The following FUT5 variants were observed in gnomAD, a reference collection of about 807,000 sequenced individuals.
FUT5 encodes 4-galactosyl-N-acetylglucosaminide 3-alpha-L-fucosyltransferase FUT5.
Under a neutral mutation model 0.8 loss-of-function variants are expected in FUT5, and 1 was observed. The ratio of observed to expected loss-of-function variants is 1.26; its 90% CI spans 0.45 to 5.99. The LOEUF is 5.99. FUT5 is among the 30% of genes most tolerant of loss of function. The pLI is 0.15. For missense variants in FUT5, 437 were observed against 517.8 expected (o/e 0.84, Z 1.51); for synonymous variants, 212 against 225.7 (o/e 0.94, Z 0.54).
At chr19:5,869,030 A>G (rs528770858) in intron 1 of FUT5, among the ~76,000 whole-genome samples, 487 of 150,434 alleles carry the variant, frequency 3.2e-3, no homozygotes, top group Non-Finnish European at 4.7e-3. Context: ...CGCCCAGGCT[A>G]GAGTGCAGTG....
intron 1 of FUT5, among the ~76,000 whole-genome samples, chr19:5,868,006 C>T (rs539128631): frequency 2.4e-4 from 37 of 152,224 alleles, no homozygotes; most frequent in Admixed American, 2.2e-3. Flanking sequence ...CAAAGCCTGG[C>T]GGGGTGAGAC....
Position 5,866,486 on chromosome 19 carries a change from C to T in FUT5, c.*115G>A, listed in dbSNP as rs756380574. 3.8e-5 allele frequency: 42 copies of T among 1,111,494 alleles called. No homozygotes were observed. The highest frequency in any genetic ancestry group is 1.2e-4 in the Admixed American group (5 of 43,440). 68.9% of individuals were successfully genotyped at this position (1,111,494 alleles called of 1,614,324 possible). The stretch of plus-strand genomic sequence containing the variant: ...CCAGGCAGGTGAGACCCCAGGCAGC[C>T]GAGGCCCCAGGCAGCCGAGGCCCCA... On this transcript the variant is annotated 3_prime_UTR_variant, in exon 2 of 2. Coordinates refer to ENST00000588525, the MANE Select transcript of FUT5 (RefSeq NM_002034.2). This position sits in a 1 kb window ranked among gnomAD's most constrained non-coding sequence, Gnocchi z 4.9.
Position 5,867,566 on chromosome 19 carries a change from G to C in FUT5, c.160C>G (p.Pro54Ala). ...GACCCATTGGGAGCCCCGGTGACAG[G>C]TTCCACTGCCATAAGCCCTGGCCTA... is the stretch of plus-strand genomic sequence containing the variant. ...SPRPGLMAVEPVTGAPNGSRC... is the reference protein window; with the variant it reads ...SPRPGLMAVEAVTGAPNGSRC... The change falls in exon 2 of 2, where the codon CCT becomes GCT. Residue 54 changes from proline (P) to alanine (A), a missense_variant. Around this residue, in one of 2 missense-constraint regions of FUT5, gnomAD observed 261 missense variants for 242.6 expected, o/e 1.08. Transcript: ENST00000588525. This position sits in a 1 kb window ranked among gnomAD's most constrained non-coding sequence, Gnocchi z 5.0. The C allele has an allele frequency of 6.2e-7, 1 of 1,613,530 alleles. No homozygotes were observed. The highest frequency in any genetic ancestry group is 8.5e-7 in the Non-Finnish European group (1 of 1,180,032).
Position 5,866,790 on chromosome 19 carries a change from G to A in FUT5, c.936C>T (p.Pro312=). Residue 312 remains proline, a synonymous_variant, in exon 2 of 2, where the codon CCC becomes CCT. Transcript: ENST00000588525. The surrounding 1 kb of genome is among the most constrained non-coding windows in gnomAD (Gnocchi z 4.9). ...AFIHVDDFQS[P]KDLARYLQEL... is the part of the protein sequence containing the mutation. ...CCTGCAGGTACCGGGCCAGGTCCTT[G>A]GGGCTCTGGAAGTCGTCCACGTGGA... 1 of 1,602,752 alleles carries A rather than the reference G, an allele frequency of 6.2e-7. No homozygotes were observed. Among genetic ancestry groups the A allele is most frequent in the East Asian group, 2.2e-5 (1 of 44,600 alleles).
At chr19:5,868,331 C>T (rs186111880) in intron 1 of FUT5, among the ~76,000 whole-genome samples, 1,825 of 152,112 alleles carry the variant, frequency 0.012, 24 homozygotes, top group Non-Finnish European at 0.018. Context: ...ACACCCAGCA[C>T]GGAACTGGAG....
At position 5,867,708 on chromosome 19, in the gene FUT5, TG is replaced by T. The variant is rs1599680403; in HGVS notation, c.17del (p.Pro6GlnfsTer72). 1.9e-6 allele frequency: 3 copies of T among 1,613,186 alleles called. No individual in the cohort carries two copies. In the East Asian group the frequency reaches 6.7e-5, roughly 36 times the overall value. ...GGCGCCACAGCCACTGTGGCTTGGCTGGGCCCAGGGGATCCATGGGTCAGAG... is the reference window on the plus strand; with the variant it reads ...GGCGCCACAGCCACTGTGGCTTGGCTGGCCCAGGGGATCCATGGGTCAGAG... Reference protein sequence around the residue: MDPLGPAKPQWLWRRC... With the variant: MDPLGXAKPQWLWRRC... On this transcript the variant is annotated frameshift_variant, in exon 2 of 2. Coordinates refer to ENST00000588525, the MANE Select transcript of FUT5 (RefSeq NM_002034.2). LOFTEE classifies it low-confidence loss of function (END_TRUNC). The surrounding 1 kb of genome is among the most constrained non-coding windows in gnomAD (Gnocchi z 5.0).
Position 5,867,272 on chromosome 19 carries a change from A to G in FUT5, c.454T>C (p.Ser152Pro), listed in dbSNP as rs878864102. Residue 152 changes from serine to proline, a missense_variant, in exon 2 of 2, where the codon TCC becomes CCC. By Grantham distance (74) the Ser-to-Pro change is moderately conservative. This residue lies in a region of FUT5 where 261 missense variants were observed against 242.6 expected (regional missense o/e 1.08). Coordinates refer to ENST00000588525, the MANE Select transcript of FUT5 (RefSeq NM_002034.2). The surrounding 1 kb of genome is among the most constrained non-coding windows in gnomAD (Gnocchi z 5.0). ...TCCAGGTGCCGGCAGTTGCTGGGGGACTCCATGCTGAACCAGATCCAGCGC... is the reference window on the plus strand; with the variant it reads ...TCCAGGTGCCGGCAGTTGCTGGGGGGCTCCATGCTGAACCAGATCCAGCGC... ...GQRWIWFSME[S>P]PSNCRHLEAL... 6.2e-7 allele frequency: 1 copy of G among 1,612,610 alleles called. No individual in the cohort carries two copies. The highest frequency in any genetic ancestry group is 8.5e-7 in the Non-Finnish European group (1 of 1,179,806).
chr19:5,867,420 G>A lies in FUT5; in HGVS notation c.306C>T (p.Ala102=), dbSNP rs1202857853. 1.2e-6 allele frequency: 2 copies of A among 1,613,622 alleles called. No individual in the cohort carries two copies. The highest frequency in any genetic ancestry group is 1.6e-4 in the Middle Eastern group (1 of 6,084). The change falls in exon 2 of 2, where the codon GCC becomes GCT. Residue 102 remains alanine, a synonymous_variant. Coordinates refer to ENST00000588525, the MANE Select transcript of FUT5 (RefSeq NM_002034.2). This position sits in a 1 kb window ranked among gnomAD's most constrained non-coding sequence, Gnocchi z 5.0. ...PRCSEMVPGA[A]DCNITADSSV... ...TGGAGTCGGCAGTGATGTTGCAGTCGGCCGCGCCGGGCACCATCTCTGAGC... is the reference window on the plus strand; with the variant it reads ...TGGAGTCGGCAGTGATGTTGCAGTCAGCCGCGCCGGGCACCATCTCTGAGC...
chr19:5,866,453 G>T lies in FUT5; in HGVS notation c.*148C>A. On this transcript the variant is annotated 3_prime_UTR_variant, in exon 2 of 2. Coordinates refer to ENST00000588525, the MANE Select transcript of FUT5 (RefSeq NM_002034.2). This position sits in a 1 kb window ranked among gnomAD's most constrained non-coding sequence, Gnocchi z 4.9. ...GCCTGGCCACCAAAGACTCCAGCAG[G>T]TGAGGCCCCAGGCAGGTGAGACCCC... 1 of 1,287,684 alleles carries T rather than the reference G, an allele frequency of 7.8e-7. No homozygotes were observed. The highest frequency in any genetic ancestry group is 1.1e-6 in the Non-Finnish European group (1 of 903,570). The allele number at this position is 1,287,684 out of a possible 1,614,324, so 79.8% of individuals were successfully genotyped here.
In FUT5 at chr19:5,867,838, T is replaced by G. The variant is rs1023238579; in HGVS notation, c.-12-101A>C. 1 of 1,268,320 alleles carries G rather than the reference T, an allele frequency of 7.9e-7. No homozygotes were observed. The highest frequency in any genetic ancestry group is 1.9e-5 in the Admixed American group (1 of 53,840). 78.6% of individuals were successfully genotyped at this position (1,268,320 alleles called of 1,614,324 possible). ...CTGTTATAATTTATGACACAGCTTG[T>G]CATAAATGCCCCCAGTACCCCTGAG... On this transcript the variant is annotated intron_variant, in intron 1 of 1. Coordinates refer to ENST00000588525, the MANE Select transcript of FUT5 (RefSeq NM_002034.2). The surrounding 1 kb of genome is among the most constrained non-coding windows in gnomAD (Gnocchi z 5.0).
rs1568422962 is a variant in FUT5 at position 5,866,115 on chromosome 19, C to A, written c.*486G>T. 3.5e-6 allele frequency: 1 copy of A among 286,704 alleles called. No homozygotes were observed. Among genetic ancestry groups the A allele is most frequent in the South Asian group, 3.7e-5 (1 of 26,718 alleles). The allele number at this position is 286,704 out of a possible 1,614,324, so 17.8% of individuals were successfully genotyped here. The stretch of plus-strand genomic sequence containing the variant: ...CCACTGCTGATGGTCACACACATAC[C>A]CTTCGCCCTCCTCCTTAGGGGACCC... On this transcript the variant is annotated 3_prime_UTR_variant, in exon 2 of 2. Transcript: ENST00000588525. This position sits in a 1 kb window ranked among gnomAD's most constrained non-coding sequence, Gnocchi z 4.9.
rs189831471 is a variant in FUT5 at position 5,870,247 on chromosome 19, G to A, written c.-13+218C>T. ...TGCTGGGAAATTGTAAATTACATTC[G>A]GGGTAGAAAACAGTTTGGTGCTTCC... On this transcript the variant is annotated intron_variant, in intron 1 of 1. Transcript: ENST00000588525. 4.2e-4 allele frequency among the ~76,000 whole-genome samples: 64 copies of A among 151,958 alleles called. 1 individual carries two copies. In the East Asian group the frequency reaches 9.1e-3, roughly 22 times the overall value.
chr19:5,868,102 AACAG>A (rs970909890), intron 1 of FUT5, among the ~76,000 whole-genome samples: 1 of 152,202 alleles, frequency 6.6e-6, no homozygotes, highest in Non-Finnish European at 1.5e-5. Flanking sequence ...TCTTTCAATC[AACAG>A]ACACTCAAAG....
chr19:5,869,113 C>T (rs201165267), intron 1 of FUT5, among the ~76,000 whole-genome samples: 1 of 152,050 alleles, frequency 6.6e-6, no homozygotes, highest in Non-Finnish European at 1.5e-5. Flanking sequence ...TCCCAAGTAG[C>T]TGGGACTACA....
intron 1 of FUT5, among the ~76,000 whole-genome samples, chr19:5,868,020 T>C (rs2057511772): frequency 6.6e-6 from 1 of 152,212 alleles, no homozygotes; most frequent in Admixed American, 6.5e-5. Flanking sequence ...GTGAGACACC[T>C]GAGCAGTTTG....
intron 1 of FUT5, among the ~76,000 whole-genome samples, chr19:5,868,219 C>T (rs560642149): frequency 6.6e-6 from 1 of 152,168 alleles, no homozygotes; most frequent in Non-Finnish European, 1.5e-5. Flanking sequence ...GGTGTGAAGA[C>T]TCAGGAGAGG....
chr19:5,870,066 C>CAAAAAA (rs72405451), intron 1 of FUT5, among the ~76,000 whole-genome samples: 69 of 70,052 alleles, frequency 9.8e-4, no homozygotes, highest in Non-Finnish European at 1.5e-3. Flanking sequence ...AACTCCATCT[C>CAAAAAA]AAAAAAAAAA....
Position 5,867,776 on chromosome 19 carries a change from A to C in FUT5, c.-12-39T>G. ...AGAGAGGAGTGAGGGTCATTAAGGA[A>C]GATCACCCACTTCCTGGCCACGTGT... On this transcript the variant is annotated intron_variant, in intron 1 of 1. Coordinates refer to ENST00000588525, the MANE Select transcript of FUT5 (RefSeq NM_002034.2). This position sits in a 1 kb window ranked among gnomAD's most constrained non-coding sequence, Gnocchi z 5.0. The C allele has an allele frequency of 6.3e-7, 1 of 1,597,882 alleles. No homozygotes were observed. Among genetic ancestry groups the C allele is most frequent in the Admixed American group, 1.7e-5 (1 of 59,986 alleles).
Position 5,867,061 on chromosome 19 carries a change from T to A in FUT5, c.665A>T (p.Tyr222Phe). The change falls in exon 2 of 2, where the codon TAC becomes TTC. Residue 222 changes from tyrosine to phenylalanine, a missense_variant. Around this residue, in one of 2 missense-constraint regions of FUT5, gnomAD observed 176 missense variants for 275.2 expected, o/e 0.64. Coordinates refer to ENST00000588525, the MANE Select transcript of FUT5 (RefSeq NM_002034.2). This position sits in a 1 kb window ranked among gnomAD's most constrained non-coding sequence, Gnocchi z 5.0. ...GAGATGAGCCTGCAGGCTCTGGTAG[T>A]AGCGCACCCTGGCCGAGTCCGGCTT... ...NWKPDSARVRYYQSLQAHLKV... is the reference protein window; with the variant it reads ...NWKPDSARVRFYQSLQAHLKV... 1 of 1,613,426 alleles carries A rather than the reference T, an allele frequency of 6.2e-7. No individual in the cohort carries two copies. The highest frequency in any genetic ancestry group is 8.5e-7 in the Non-Finnish European group (1 of 1,179,820).
Sources: gnomAD v4.1 joint callset for allele counts (sites outside exome capture counted in the v4.1 genomes callset) on GRCh38, gnomAD v4.1.1 for gene constraint, gnomAD v4.1.1 regional missense constraint, Gnocchi (gnomAD v3.1) non-coding constraint, MANE v1.5 for transcripts, NCBI Gene and HGNC (gene_info 2026-07-23, HGNC 2026-07-21) for gene names.